ITPR3: variants seen among roughly 807,000 people sequenced by gnomAD.
ITPR3 encodes inositol 1,4,5-trisphosphate receptor type 3.
Under a neutral mutation model 293.2 loss-of-function variants are expected in ITPR3, and 173 were observed. That is an observed-to-expected ratio of 0.59 (90% CI 0.52 to 0.67). The LOEUF (loss-of-function observed/expected upper bound fraction) is 0.67, where lower values mean the gene tolerates loss of function less well. ITPR3 is among the 30% of genes least tolerant of loss of function. The probability of loss-of-function intolerance (pLI) is 0.00; values close to 1 mark genes in which losing one functional copy is unlikely to be tolerated. For missense variants in ITPR3, 2,796 were observed against 3,592.1 expected, an observed-to-expected ratio of 0.78 and a Z score of 5.66; for synonymous variants, 1,295 against 1,444.4, an observed-to-expected ratio of 0.90 and a Z score of 2.35.
rs1764382619 is a variant in ITPR3 at position 33,658,947 on chromosome 6, A to C, written c.529-74A>C. On this transcript the variant is annotated intron_variant, in intron 5 of 57. Coordinates refer to ENST00000605930, the MANE Select transcript of ITPR3 (RefSeq NM_002224.4). The surrounding 1 kb of genome is among the most constrained non-coding windows in gnomAD (Gnocchi z 6.1). Reference sequence around the variant, plus strand: ...TTTCTTAGAAGGGCAGACTGAGACCAAAGGGAGGCCTGGAGGCGTGGTGAC... The same window carrying C: ...TTTCTTAGAAGGGCAGACTGAGACCCAAGGGAGGCCTGGAGGCGTGGTGAC... The C allele has an allele frequency of 6.2e-7, 1 of 1,600,292 alleles. No homozygotes were observed. The highest frequency in any genetic ancestry group is 1.3e-5 in the African/African-American group (1 of 74,794).
Position 33,664,999 on chromosome 6 carries a change from G to T in ITPR3, c.1248+30G>T. 6.2e-7 allele frequency: 1 copy of T among 1,613,488 alleles called. No individual in the cohort carries two copies. Among genetic ancestry groups the T allele is most frequent in the Non-Finnish European group, 8.5e-7 (1 of 1,179,890 alleles). ...GTGTCCCTGGGGTGGGGGTGGGGCT[G>T]GGGCCAGGGCCGGAGCTTGTTCCCA... is the stretch of plus-strand genomic sequence containing the variant. On this transcript the variant is annotated intron_variant, in intron 12 of 57. Transcript: ENST00000605930. This position sits in a 1 kb window ranked among gnomAD's most constrained non-coding sequence, Gnocchi z 4.4.
At position 33,658,656 on chromosome 6, in the gene ITPR3, C is replaced by T; in HGVS notation, c.370-14C>T. 6.2e-7 allele frequency: 1 copy of T among 1,613,474 alleles called. No homozygotes were observed. The highest frequency in any genetic ancestry group is 8.5e-7 in the Non-Finnish European group (1 of 1,179,526). Reference sequence around the variant, plus strand: ...GTGGCGCGGTGACCTTCCCGCACCCCACCTGACCCCCAGCTCCTGCACATG... The same window carrying T: ...GTGGCGCGGTGACCTTCCCGCACCCTACCTGACCCCCAGCTCCTGCACATG... On this transcript the variant is annotated splice_polypyrimidine_tract_variant and intron_variant, in intron 4 of 57. Coordinates refer to ENST00000605930, the MANE Select transcript of ITPR3 (RefSeq NM_002224.4). This position sits in a 1 kb window ranked among gnomAD's most constrained non-coding sequence, Gnocchi z 6.1.
intron 20 of ITPR3, 101 bp from the exon 21 acceptor site, chr6:33,671,064 C>T (rs1180919886): frequency 9.7e-6 from 15 of 1,547,010 alleles, no homozygotes; most frequent in African/African-American, 1.4e-5. Flanking sequence ...CTCATGACGC[C>T]CCTTTCGCCC....
chr6:33,693,762 C>G (rs1201204791), intron 56 of ITPR3, 57 bp downstream of exon 56: 1 of 1,583,522 alleles, frequency 6.3e-7, no homozygotes, highest in Non-Finnish European at 8.6e-7. Flanking sequence ...CTAGAGTCAT[C>G]ACTGTGCACC....
chr6:33,682,710 G>T lies in ITPR3; in HGVS notation c.4597+66G>T. ...CCTGCCGCTCACAGTGGGGACGCCTGCCCTCCTAATAAACACTTTATCCCT... is the reference window on the plus strand; with the variant it reads ...CCTGCCGCTCACAGTGGGGACGCCTTCCCTCCTAATAAACACTTTATCCCT... On this transcript the variant is annotated intron_variant, in intron 34 of 57. Transcript: ENST00000605930. The surrounding 1 kb of genome is among the most constrained non-coding windows in gnomAD (Gnocchi z 5.4). The T allele has an allele frequency of 2.6e-6, 4 of 1,532,970 alleles. No individual in the cohort carries two copies. The South Asian group carries it at 5.1e-5, about 19-fold the overall frequency. The allele number at this position is 1,532,970 out of a possible 1,614,324, so 95.0% of individuals were successfully genotyped here. A position where few individuals can be genotyped will look rare whatever the true frequency, so the allele number is the denominator to read the frequency against.
In ITPR3 at chr6:33,633,131, A is replaced by AG. The variant is rs1349609241; in HGVS notation, c.90-7349dup. Among the ~76,000 whole-genome samples, 1 of 152,100 alleles carries AG rather than the reference A, an allele frequency of 6.6e-6. No individual in the cohort carries two copies. Among genetic ancestry groups the AG allele is most frequent in the African/African-American group, 2.4e-5 (1 of 41,416 alleles). ...CTGGGGTACCACCGGCCTCTAGGTGAGGGGCGATGCCGGTGGTGGGCGTAG... is the reference window on the plus strand; with the variant it reads ...CTGGGGTACCACCGGCCTCTAGGTGAGGGGGCGATGCCGGTGGTGGGCGTAG... On this transcript the variant is annotated intron_variant, in intron 1 of 57. Transcript: ENST00000605930. This position sits in a 1 kb window ranked among gnomAD's most constrained non-coding sequence, Gnocchi z 5.2.
rs1763877130 is a variant in ITPR3, at chr6:33,638,591, A to G, written c.90-1893A>G. Among the ~76,000 whole-genome samples, 2 of 152,260 alleles carry G rather than the reference A, an allele frequency of 1.3e-5. No individual in the cohort carries two copies. Among genetic ancestry groups the G allele is most frequent in the Non-Finnish European group, 2.9e-5 (2 of 68,042 alleles). ...CTGCATACAAAAATCTAAACATTGT[A>G]ACTCTTCTTGCCTTTATCACTTAGG... is the stretch of plus-strand genomic sequence containing the variant. On this transcript the variant is annotated intron_variant, in intron 1 of 57. Transcript: ENST00000605930. The surrounding 1 kb of genome is among the most constrained non-coding windows in gnomAD (Gnocchi z 4.3).
chr6:33,674,354 T>C (rs1414755801), intron 24 of ITPR3, 89 bp downstream of exon 24: 14 of 1,269,340 alleles, frequency 1.1e-5, no homozygotes, highest in Non-Finnish European at 1.6e-5. Flanking sequence ...GGCTGGGGGC[T>C]GGCTCTTCCT....
chr6:33,678,951 C>A, intron 30 of ITPR3, 112 bp downstream of exon 30: 2 of 1,070,052 alleles, frequency 1.9e-6, no homozygotes, highest in South Asian at 1.5e-5. Flanking sequence ...ACAAAAGGAA[C>A]ACTCAGCTGC....
intron 2 of ITPR3, among the ~76,000 whole-genome samples, chr6:33,647,462 C>A (rs557880314): frequency 6.6e-6 from 1 of 152,288 alleles, no homozygotes; most frequent in African/African-American, 2.4e-5. Context: ...CATCCACAGA[C>A]CTTTTTTCAT....
In ITPR3 at chr6:33,691,167, T is replaced by C. The variant is rs373799511; in HGVS notation, c.7225+58T>C. ...GGGGAATGAGGTTGGGTCTCACAAA[T>C]GTCTGGCGTCAGGACCAGGACCTGC... is the stretch of plus-strand genomic sequence containing the variant. On this transcript the variant is annotated intron_variant, in intron 52 of 57. Transcript: ENST00000605930. The surrounding 1 kb of genome is among the most constrained non-coding windows in gnomAD (Gnocchi z 4.9). 23 of 1,557,950 alleles carry C rather than the reference T, an allele frequency of 1.5e-5. No homozygotes were observed. The highest frequency in any genetic ancestry group is 4.1e-5 in the African/African-American group (3 of 73,654).
intron 2 of ITPR3, among the ~76,000 whole-genome samples, chr6:33,645,097 C>A (rs1342456202): frequency 6.6e-6 from 1 of 151,478 alleles, no homozygotes; most frequent in Non-Finnish European, 1.5e-5. Context: ...CTTTGGGAGG[C>A]CAAGGCAGGT....
At chr6:33,630,539 CCT>C (rs1342905571) in intron 1 of ITPR3, among the ~76,000 whole-genome samples, 4 of 152,210 alleles carry the variant, frequency 2.6e-5, no homozygotes, top group African/African-American at 4.8e-5. Flanking sequence ...TCTCCTGCTC[CCT>C]GTCTTTCTTC....
intron 1 of ITPR3, among the ~76,000 whole-genome samples, chr6:33,637,747 C>A (rs939771263): frequency 2.0e-5 from 3 of 151,938 alleles, no homozygotes; most frequent in Non-Finnish European, 4.4e-5. Flanking sequence ...CTTGCCTCAG[C>A]CTCCCGAGTA....
chr6:33,676,627 T>G, intron 25 of ITPR3, 141 bp from the exon 26 acceptor site: 1 of 986,600 alleles, frequency 1.0e-6, no homozygotes, highest in Non-Finnish European at 1.5e-6. Flanking sequence ...GCCAGAAACA[T>G]TGAGTGGGAA....
At chr6:33,644,244 C>A (rs1410678046) in intron 2 of ITPR3, among the ~76,000 whole-genome samples, 1 of 151,972 alleles carries the variant, frequency 6.6e-6, no homozygotes, top group African/African-American at 2.4e-5. Flanking sequence ...CACTGCTGAG[C>A]TTTGTCAAAT....
rs1165058680 is a variant in ITPR3, at chr6:33,667,250, G to T, written c.1673G>T (p.Arg558Leu). 1 of 1,613,374 alleles carries T rather than the reference G, an allele frequency of 6.2e-7. No homozygotes were observed. The highest frequency in any genetic ancestry group is 1.7e-5 in the Admixed American group (1 of 60,016). The change falls in exon 15 of 58, where the codon CGC (arginine) becomes CTC (leucine). Residue 558 changes from arginine to leucine, a missense_variant. Transcript: ENST00000605930. The surrounding 1 kb of genome is among the most constrained non-coding windows in gnomAD (Gnocchi z 4.4). ...PYQHMFRLCY[R>L]VLRHSQEDYR... ...CAGCACATGTTCCGCCTGTGCTACC[G>T]CGTGTTGCGGCATTCCCAGGAGGAC... is the stretch of plus-strand genomic sequence containing the variant.
Position 33,658,063 on chromosome 6 carries a change from A to AGGCAGGG in ITPR3, c.369+45_369+46insGGCAGGG. ...CTCCCGCCTGCCCCTCTCCCTGCCT[A>AGGCAGGG]AGAGGCTGGGCTGGTGCTGGGTGAG... On this transcript the variant is annotated intron_variant, in intron 4 of 57. Coordinates refer to ENST00000605930, the MANE Select transcript of ITPR3 (RefSeq NM_002224.4). The surrounding 1 kb of genome is among the most constrained non-coding windows in gnomAD (Gnocchi z 6.1). 1 of 1,527,648 alleles carries AGGCAGGG rather than the reference A, an allele frequency of 6.5e-7. No individual in the cohort carries two copies. Among genetic ancestry groups the AGGCAGGG allele is most frequent in the Non-Finnish European group, 9.0e-7 (1 of 1,106,298 alleles). 94.6% of individuals were successfully genotyped at this position (1,527,648 alleles called of 1,614,324 possible).
At chr6:33,659,615 C>T (rs956505545) in intron 7 of ITPR3, 66 bp downstream of exon 7, 32 of 1,364,156 alleles carry the variant, frequency 2.3e-5, no homozygotes, top group Non-Finnish European at 3.2e-5. Flanking sequence ...GGCCCTCTTC[C>T]TGCCTTCTCC....
Sources: allele counts gnomAD v4.1 joint callset (sites outside exome capture counted in the v4.1 genomes callset), GRCh38; gene constraint gnomAD v4.1.1; non-coding constraint Gnocchi (gnomAD v3.1); transcripts MANE v1.5; gene names NCBI Gene and HGNC (gene_info 2026-07-23, HGNC 2026-07-21).